Variants in CSMD1 observed in about 807,000 individuals in gnomAD.
CSMD1 encodes CUB and Sushi multiple domains 1.
In CSMD1, 213 loss-of-function variants were observed where a neutral mutation model predicts 417.5. The observed-to-expected ratio is 0.51, with a 90% CI of 0.46 to 0.57. The LOEUF is 0.57. CSMD1 is among the 20% of genes least tolerant of loss of function. The probability of loss-of-function intolerance (pLI) is 0.00; values close to 1 mark genes in which losing one functional copy is unlikely to be tolerated. For missense variants in CSMD1, 6,923 were observed against 4,529.7 expected, an observed-to-expected ratio of 1.53 and a Z score of -15.17; for synonymous variants, 2,862 against 1,736.8, an observed-to-expected ratio of 1.65 and a Z score of -16.11.
chr8:4,314,663 G>C (rs1798819317), intron 3 of CSMD1, among the ~76,000 whole-genome samples: 2 of 152,080 alleles, frequency 1.3e-5, no homozygotes, highest in African/African-American at 4.8e-5. Flanking sequence ...TACCATTTGT[G>C]AGTTAAGTGT....
chr8:4,808,712 C>T (rs940688987), intron 1 of CSMD1, among the ~76,000 whole-genome samples: 17 of 152,156 alleles, frequency 1.1e-4, no homozygotes, highest in Admixed American at 5.2e-4. Flanking sequence ...CGCTTGAACA[C>T]GCCCACTCAG....
intron 2 of CSMD1, among the ~76,000 whole-genome samples, chr8:4,504,013 G>C (rs978485393): frequency 3.3e-5 from 5 of 150,454 alleles, no homozygotes; most frequent in African/African-American, 1.2e-4. Flanking sequence ...GGATGTCAAA[G>C]AGGTTATCTG....
chr8:3,109,688 G>A (rs1816375515), intron 43 of CSMD1, among the ~76,000 whole-genome samples: 1 of 151,848 alleles, frequency 6.6e-6, no homozygotes, highest in Non-Finnish European at 1.5e-5. Flanking sequence ...CTGGCTGCTG[G>A]CTTCTGCTCC....
intron 18 of CSMD1, among the ~76,000 whole-genome samples, chr8:3,381,149 C>T (rs918403224): frequency 6.6e-6 from 1 of 151,884 alleles, no homozygotes; most frequent in Admixed American, 6.6e-5. Flanking sequence ...GTGCGTTCAC[C>T]CATCACCTTA....
At chr8:4,521,587 G>T (rs1343988899) in intron 2 of CSMD1, among the ~76,000 whole-genome samples, 3 of 152,092 alleles carry the variant, frequency 2.0e-5, no homozygotes, top group Non-Finnish European at 4.4e-5. Flanking sequence ...TTCATTGATG[G>T]ATACAAAAAT....
intron 3 of CSMD1, among the ~76,000 whole-genome samples, chr8:4,205,210 T>G (rs1395248389): frequency 1.3e-5 from 2 of 152,234 alleles, no homozygotes; most frequent in African/African-American, 4.8e-5. Flanking sequence ...ATTGCACATT[T>G]CTCTTTGGTA....
intron 23 of CSMD1, among the ~76,000 whole-genome samples, chr8:3,327,159 T>C (rs1182561326): frequency 6.6e-6 from 1 of 151,426 alleles, no homozygotes; most frequent in Admixed American, 6.6e-5. Flanking sequence ...TTTTTTTTTT[T>C]TGAAAGAGAC....
chr8:4,614,466 A>C (rs553547804), intron 2 of CSMD1, among the ~76,000 whole-genome samples: 4 of 152,294 alleles, frequency 2.6e-5, no homozygotes, highest in Admixed American at 2.6e-4. Flanking sequence ...GGCCTTAGTA[A>C]ATTATGTCAC....
At chr8:3,780,748 C>T (rs1320815208) in intron 5 of CSMD1, among the ~76,000 whole-genome samples, 3 of 152,144 alleles carry the variant, frequency 2.0e-5, no homozygotes, top group Non-Finnish European at 2.9e-5. Context: ...CCCATTTAAT[C>T]TCTTGGGTGA....
intron 23 of CSMD1, among the ~76,000 whole-genome samples, chr8:3,318,275 G>GA (rs1381831723): frequency 6.6e-6 from 1 of 152,048 alleles, no homozygotes; most frequent in Non-Finnish European, 1.5e-5. Flanking sequence ...GTGTTAAAAT[G>GA]AAAAAAGTAA....
At chr8:4,136,910 C>G (rs936999839) in intron 3 of CSMD1, among the ~76,000 whole-genome samples, 3 of 152,140 alleles carry the variant, frequency 2.0e-5, no homozygotes, top group Non-Finnish European at 4.4e-5. Flanking sequence ...ACAGTCACAG[C>G]CACTCTTTCT....
chr8:3,327,233 C>T (rs913611665), intron 23 of CSMD1, among the ~76,000 whole-genome samples: 1 of 151,978 alleles, frequency 6.6e-6, no homozygotes, highest in Admixed American at 6.6e-5. Flanking sequence ...AGCTCCGCCT[C>T]CCAGGTTCAC....
chr8:3,573,936 C>T (rs1223322473), intron 10 of CSMD1, among the ~76,000 whole-genome samples: 1 of 151,734 alleles, frequency 6.6e-6, no homozygotes, highest in Non-Finnish European at 1.5e-5. Flanking sequence ...TTTCTTCCTA[C>T]TGGCAAGCAT....
At chr8:3,876,188 G>C (rs565890219) in intron 5 of CSMD1, among the ~76,000 whole-genome samples, 1 of 152,302 alleles carries the variant, frequency 6.6e-6, no homozygotes, top group African/African-American at 2.4e-5. Context: ...ACTCATGTTT[G>C]AAAGGAGGGG....
intron 25 of CSMD1, among the ~76,000 whole-genome samples, chr8:3,294,660 C>G (rs1046386847): frequency 1.3e-5 from 2 of 152,182 alleles, no homozygotes; most frequent in Non-Finnish European, 2.9e-5. Flanking sequence ...TTTGCTAAGA[C>G]CATTGGAAAA....
chr8:4,991,699 G>A (rs981915984), intron 1 of CSMD1, among the ~76,000 whole-genome samples: 5 of 152,132 alleles, frequency 3.3e-5, no homozygotes, highest in African/African-American at 7.2e-5. Flanking sequence ...CCCCCGGGGG[G>A]AGGCCCGACC....
chr8:4,140,162 G>A (rs1459538203), intron 3 of CSMD1, among the ~76,000 whole-genome samples: 1 of 150,408 alleles, frequency 6.6e-6, no homozygotes, highest in East Asian at 1.9e-4. Flanking sequence ...CGACCAGCCT[G>A]AGCAACATAG....
intron 3 of CSMD1, among the ~76,000 whole-genome samples, chr8:4,138,332 T>G (rs534575651): frequency 0.13 from 12,431 of 96,638 alleles, 3,096 homozygotes; most frequent in Non-Finnish European, 0.2. Context: ...TTTACACATT[T>G]GAGTTGTGGC....
intron 5 of CSMD1, among the ~76,000 whole-genome samples, chr8:3,917,213 T>C (rs1031946019): frequency 3.9e-5 from 6 of 152,196 alleles, no homozygotes; most frequent in Non-Finnish European, 4.4e-5. Context: ...GTGTTTCCCA[T>C]GAGCCATTTC....
Sources: allele counts gnomAD v4.1 joint callset (sites outside exome capture counted in the v4.1 genomes callset), GRCh38; gene constraint gnomAD v4.1.1; transcripts MANE v1.5; gene names NCBI Gene and HGNC (gene_info 2026-07-23, HGNC 2026-07-21).